Variants in HECW1 observed in about 807,000 individuals in gnomAD.
HECW1 encodes E3 ubiquitin-protein ligase HECW1.
Under a neutral mutation model 182.3 loss-of-function variants are expected in HECW1, and 61 were observed. The observed-to-expected ratio is 0.33, with a 90% confidence interval of 0.27 to 0.41. The LOEUF is 0.41. Among genes scored for constraint, HECW1 ranks in the 10% least tolerant of loss-of-function variants. The pLI is 1.00. For missense variants in HECW1, 1,739 were observed against 2,108.9 expected, an observed-to-expected ratio of 0.82 and a Z score of 3.44; for synonymous variants, 859 against 832.6, an observed-to-expected ratio of 1.03 and a Z score of -0.55.
chr7:43,198,526 C>T (rs914966098), intron 2 of HECW1, among the ~76,000 whole-genome samples: 1 of 150,886 alleles, frequency 6.6e-6, no homozygotes, highest in East Asian at 1.9e-4. Flanking sequence ...ACCACAGACA[C>T]CACACTCACA....
chr7:43,439,965 T>A (rs942647665), intron 9 of HECW1: 1 of 152,400 alleles, frequency 6.6e-6, no homozygotes, highest in African/African-American at 2.4e-5. Context: ...CCCTCTTTGA[T>A]GGGATGATAG....
At chr7:43,298,998 C>T (rs1806390873) in intron 3 of HECW1, among the ~76,000 whole-genome samples, 1 of 152,206 alleles carries the variant, frequency 6.6e-6, no homozygotes, top group East Asian at 1.9e-4. Flanking sequence ...ATATCCAGAT[C>T]ATTGAGACTT....
At chr7:43,291,842 A>G (rs543785941) in intron 3 of HECW1, among the ~76,000 whole-genome samples, 73 of 152,376 alleles carry the variant, frequency 4.8e-4, no homozygotes, top group Non-Finnish European at 1.1e-3. Context: ...TCAAAGTATT[A>G]TCTTAGAAGT....
chr7:43,323,531 A>G (rs1217813760), intron 5 of HECW1, among the ~76,000 whole-genome samples: 1 of 152,150 alleles, frequency 6.6e-6, no homozygotes, highest in Non-Finnish European at 1.5e-5. Context: ...GGCTGCAGTG[A>G]GCTATGATAG....
intron 3 of HECW1, among the ~76,000 whole-genome samples, chr7:43,293,099 G>A (rs532418351): frequency 1.3e-5 from 2 of 151,598 alleles, no homozygotes; most frequent in Admixed American, 6.6e-5. Flanking sequence ...AGGCGCCTGT[G>A]GTCCCATCTA....
chr7:43,134,532 G>C lies in HECW1; in HGVS notation c.-32+20141G>C, dbSNP rs556734791. ...TAAATTTAATTTTTTTAAAGACAGGGTCTTGCTCTGTCCCCAAGGCTGGAA... is the reference window on the plus strand; with the variant it reads ...TAAATTTAATTTTTTTAAAGACAGGCTCTTGCTCTGTCCCCAAGGCTGGAA... On this transcript the variant is annotated intron_variant, in intron 2 of 29. Coordinates refer to ENST00000395891, the MANE Select transcript of HECW1 (RefSeq NM_015052.5). Among the ~76,000 whole-genome samples, 354 of 151,870 alleles carry C rather than the reference G, an allele frequency of 2.3e-3. 2 individuals are homozygous for C. Among genetic ancestry groups the C allele is most frequent in the African/African-American group, 7.8e-3 (325 of 41,410 alleles).
chr7:43,223,557 T>C (rs1341219391), intron 2 of HECW1, among the ~76,000 whole-genome samples: 2 of 151,592 alleles, frequency 1.3e-5, no homozygotes, highest in Admixed American at 1.3e-4. Context: ...AGGTGGAAGT[T>C]GAAGCGAGCT....
At chr7:43,388,932 A>C (rs950206403) in intron 6 of HECW1, among the ~76,000 whole-genome samples, 14 of 152,132 alleles carry the variant, frequency 9.2e-5, no homozygotes, top group Admixed American at 9.2e-4. Context: ...TGACCCCTTC[A>C]CAGGCCGAGG....
At chr7:43,553,590 A>G (rs1316496863) in intron 28 of HECW1, among the ~76,000 whole-genome samples, 1 of 148,054 alleles carries the variant, frequency 6.8e-6, no homozygotes, top group African/African-American at 2.5e-5. Flanking sequence ...GATCCCTTGA[A>G]CCCGGGAGGC....
chr7:43,330,962 CTTTTA>C (rs1287595046), intron 5 of HECW1, among the ~76,000 whole-genome samples: 2 of 149,282 alleles, frequency 1.3e-5, no homozygotes, highest in African/African-American at 2.5e-5. Context: ...AAAGGGAAGT[CTTTTA>C]TTTATTTATT....
intron 2 of HECW1, among the ~76,000 whole-genome samples, chr7:43,126,676 A>T (rs1427571877): frequency 1.3e-5 from 2 of 152,178 alleles, no homozygotes. Context: ...GGCAACCCTG[A>T]GTCCAGCAAG....
rs543172780 is a variant in HECW1, at chr7:43,439,222, C to CT, written c.944+1083dup. On this transcript the variant is annotated intron_variant, in intron 9 of 29. Transcript: ENST00000395891. ...AAAAGAAAATGGTATTCCTTGTGAT[C>CT]TTTTTTATTTCATTTAGTCCTCATA... The CT allele has an allele frequency of 1.9e-3, 291 of 152,280 alleles. 1 individual carries two copies. Among genetic ancestry groups the CT allele is most frequent in the African/African-American group, 6.5e-3 (268 of 41,550 alleles). 9.4% of individuals were successfully genotyped at this position (152,280 alleles called of 1,614,324 possible). A position where few individuals can be genotyped will look rare whatever the true frequency, so the allele number is the denominator to read the frequency against.
chr7:43,132,642 C>CATG (rs2152622299), intron 2 of HECW1, among the ~76,000 whole-genome samples: 1 of 152,224 alleles, frequency 6.6e-6, no homozygotes, highest in South Asian at 2.1e-4. Context: ...CAGTATTCTT[C>CATG]ATGGTGCTCA....
At position 43,493,156 on chromosome 7, in the gene HECW1, G is replaced by C. The variant is rs1238287796; in HGVS notation, c.3413G>C (p.Ser1138Thr). 6.2e-7 allele frequency: 1 copy of C among 1,613,568 alleles called. No homozygotes were observed. Among genetic ancestry groups the C allele is most frequent in the Non-Finnish European group, 8.5e-7 (1 of 1,179,656 alleles). ...IFEMLQERQPSLARNHTLREK... is the reference protein window; with the variant it reads ...IFEMLQERQPTLARNHTLREK... ...GAAATGCTGCAAGAGCGTCAGCCAA[G>C]CTTAGCAAGAAACCACACACTCAGG... Residue 1138 changes from serine (S) to threonine (T), a missense_variant, in exon 19 of 30, where the codon AGC (serine) becomes ACC (threonine). Around this residue, in one of 5 missense-constraint regions of HECW1, gnomAD observed 971 missense variants for 1,029.1 expected, o/e 0.94. Transcript: ENST00000395891.
chr7:43,496,220 T>C (rs187472641), intron 19 of HECW1, among the ~76,000 whole-genome samples: 2 of 151,080 alleles, frequency 1.3e-5, no homozygotes, highest in East Asian at 3.9e-4. Flanking sequence ...TAATAACCTA[T>C]TTTAAGGTTA....
At chr7:43,409,121 A>T (rs1020466715) in intron 8 of HECW1, among the ~76,000 whole-genome samples, 68 of 152,070 alleles carry the variant, frequency 4.5e-4, no homozygotes, top group African/African-American at 1.6e-3. Flanking sequence ...AAATCATACC[A>T]CCCCCTTCCT....
intron 2 of HECW1, among the ~76,000 whole-genome samples, chr7:43,210,240 T>C (rs992553171): frequency 6.6e-6 from 1 of 152,070 alleles, no homozygotes; most frequent in African/African-American, 2.4e-5. Context: ...AGTTGATGTG[T>C]CTGTTGTCAC....
At chr7:43,345,821 C>T (rs1813608114) in intron 5 of HECW1, among the ~76,000 whole-genome samples, 1 of 150,412 alleles carries the variant, frequency 6.6e-6, no homozygotes, top group Admixed American at 6.7e-5. Flanking sequence ...CACACACACA[C>T]ACACACATCA....
At chr7:43,271,450 T>G (rs1271520149) in intron 3 of HECW1, among the ~76,000 whole-genome samples, 1 of 152,154 alleles carries the variant, frequency 6.6e-6, no homozygotes, top group African/African-American at 2.4e-5. Context: ...ATTCTGTACT[T>G]AGAAAACCCT....
Sources: allele counts gnomAD v4.1 joint callset (sites outside exome capture counted in the v4.1 genomes callset), GRCh38; gene constraint gnomAD v4.1.1; regional missense constraint gnomAD v4.1.1; transcripts MANE v1.5; gene names NCBI Gene and HGNC (gene_info 2026-07-23, HGNC 2026-07-21).